Variants in MTBP observed in about 807,000 individuals in gnomAD.
MTBP encodes the protein MDM2 binding protein.
A neutral mutation model predicts 117.0 loss-of-function variants in MTBP; 101 were observed. The ratio of observed to expected loss-of-function variants is 0.86; its 90% CI spans 0.73 to 1.02. The LOEUF (loss-of-function observed/expected upper bound fraction) is 1.02, where lower values mean the gene tolerates loss of function less well. MTBP is among the 50% of genes least tolerant of loss of function. The pLI is 0.00. For missense variants in MTBP, 970 were observed against 1,030.9 expected, an observed-to-expected ratio of 0.94 and a Z score of 0.81; for synonymous variants, 350 against 351.5, an observed-to-expected ratio of 1.00 and a Z score of 0.05.
chr8:120,499,707 ACT>A (rs1814541359), intron 14 of MTBP, among the ~76,000 whole-genome samples: 4 of 152,236 alleles, frequency 2.6e-5, no homozygotes, highest in Admixed American at 2.6e-4. Context: ...TTTGGTAAAA[ACT>A]CTAGCATGTA....
rs192287989 is a variant in MTBP at position 120,503,312 on chromosome 8, C to T, written c.1727+703C>T. Reference sequence around the variant, plus strand: ...GAGGAATAACAAGCTGTGCACTGCCCCTCTCATCTAGAGCTTAGCTTTTAA... The same window carrying T: ...GAGGAATAACAAGCTGTGCACTGCCTCTCTCATCTAGAGCTTAGCTTTTAA... On this transcript the variant is annotated intron_variant, in intron 15 of 21. Transcript: ENST00000305949. 1.8e-3 allele frequency among the ~76,000 whole-genome samples: 267 copies of T among 152,198 alleles called. 1 individual carries two copies. The highest frequency in any genetic ancestry group is 6.2e-3 in the African/African-American group (256 of 41,532).
chr8:120,490,160 C>G (rs916899949), intron 12 of MTBP, among the ~76,000 whole-genome samples: 5 of 152,136 alleles, frequency 3.3e-5, no homozygotes, highest in East Asian at 1.9e-4. Context: ...AGCTACCATT[C>G]CCTATCTGTG....
intron 14 of MTBP, among the ~76,000 whole-genome samples, chr8:120,500,533 G>T (rs779450927): frequency 6.6e-6 from 1 of 152,072 alleles, no homozygotes; most frequent in Non-Finnish European, 1.5e-5. Context: ...GTGGAAAGCC[G>T]CATGAACATT....
chr8:120,456,723 C>A, intron 7 of MTBP, 53 bp downstream of exon 7: 1 of 865,198 alleles, frequency 1.2e-6, no homozygotes, highest in Non-Finnish European at 1.9e-6. Context: ...TTATTTACAA[C>A]ACAGATATTT....
At chr8:120,495,185 A>C (rs913559267) in intron 13 of MTBP, among the ~76,000 whole-genome samples, 1 of 152,118 alleles carries the variant, frequency 6.6e-6, no homozygotes, top group African/African-American at 2.4e-5. Flanking sequence ...CATGTCTGAA[A>C]ATTTATTTAC....
chr8:120,513,381 G>A (rs1372216335), intron 17 of MTBP, among the ~76,000 whole-genome samples: 1 of 151,934 alleles, frequency 6.6e-6, no homozygotes, highest in African/African-American at 2.4e-5. Context: ...TTATTGTTTT[G>A]TAAGAAAATA....
rs201156792 is a variant in MTBP, at chr8:120,466,899, G to A, written c.1047+3138G>A. 3.9e-5 allele frequency among the ~76,000 whole-genome samples: 6 copies of A among 152,042 alleles called. No homozygotes were observed. The East Asian group carries it at 1.2e-3, about 30-fold the overall frequency. ...AAAAAATAAATAAATAAATACCTTGGGTTTCATTTATTAAACAATTAATTT... is the reference window on the plus strand; with the variant it reads ...AAAAAATAAATAAATAAATACCTTGAGTTTCATTTATTAAACAATTAATTT... On this transcript the variant is annotated intron_variant, in intron 10 of 21. Transcript: ENST00000305949.
intron 11 of MTBP, among the ~76,000 whole-genome samples, chr8:120,484,856 C>T (rs1814176410): frequency 6.6e-6 from 1 of 152,110 alleles, no homozygotes; most frequent in Admixed American, 6.6e-5. Flanking sequence ...CTATTTTGGT[C>T]TGTATAGATT....
chr8:120,462,835 A>G (rs1341839520), intron 9 of MTBP, among the ~76,000 whole-genome samples: 2 of 152,172 alleles, frequency 1.3e-5, no homozygotes. Flanking sequence ...CAACCAGAGC[A>G]GCACCTGTTC....
chr8:120,451,371 C>T (rs1026226436), intron 4 of MTBP, 49 bp downstream of exon 4: 15 of 1,403,834 alleles, frequency 1.1e-5, no homozygotes, highest in Non-Finnish European at 1.5e-5. Context: ...TAATATTAGA[C>T]AGTTATTTTA....
intron 10 of MTBP, among the ~76,000 whole-genome samples, chr8:120,468,877 C>T (rs1173496694): frequency 1.3e-5 from 2 of 151,978 alleles, no homozygotes; most frequent in African/African-American, 2.4e-5. Context: ...TCTTTTCGGT[C>T]CAACCACCAG....
chr8:120,459,636 G>A (rs1231835687), intron 8 of MTBP, among the ~76,000 whole-genome samples: 1 of 152,094 alleles, frequency 6.6e-6, no homozygotes, highest in African/African-American at 2.4e-5. Context: ...GACTCAGTTT[G>A]GAGAGAATAT....
chr8:120,482,769 G>A (rs1190688431), intron 11 of MTBP, among the ~76,000 whole-genome samples: 2 of 151,060 alleles, frequency 1.3e-5, no homozygotes, highest in Admixed American at 6.6e-5. Flanking sequence ...GCGTGATCTC[G>A]GCTCACTGCA....
At chr8:120,478,267 A>T (rs555238336) in intron 11 of MTBP, among the ~76,000 whole-genome samples, 2 of 152,184 alleles carry the variant, frequency 1.3e-5, no homozygotes, top group South Asian at 4.2e-4. Flanking sequence ...ATGGGGGGCT[A>T]GGGGAGGGAT....
chr8:120,523,167 T>G, intron 21 of MTBP, 131 bp from the exon 22 acceptor site: 1 of 650,268 alleles, frequency 1.5e-6, no homozygotes, highest in Non-Finnish European at 2.7e-6. Context: ...TGTATTTAAG[T>G]ATAAGATTTC....
chr8:120,469,272 C>G (rs1035566368), intron 10 of MTBP, among the ~76,000 whole-genome samples: 2 of 152,100 alleles, frequency 1.3e-5, no homozygotes, highest in Admixed American at 1.3e-4. Flanking sequence ...TCTCGAACTC[C>G]TGACCTCAGG....
At chr8:120,453,423 C>A (rs913596221) in intron 4 of MTBP, among the ~76,000 whole-genome samples, 70 of 151,808 alleles carry the variant, frequency 4.6e-4, no homozygotes, top group African/African-American at 1.6e-3. Context: ...CTCCAGCCTG[C>A]GTGACAGAGT....
intron 11 of MTBP, among the ~76,000 whole-genome samples, chr8:120,476,371 C>T (rs1586951118): frequency 6.6e-6 from 1 of 152,080 alleles, no homozygotes; most frequent in East Asian, 1.9e-4. Context: ...TCTCTCACCA[C>T]TCCTATTCAA....
intron 11 of MTBP, among the ~76,000 whole-genome samples, chr8:120,475,390 C>T (rs372386401): frequency 2.6e-5 from 4 of 151,948 alleles, no homozygotes; most frequent in African/African-American, 4.8e-5. Flanking sequence ...AATAACTGTT[C>T]TCCAGACAGA....
Sources: allele counts gnomAD v4.1 joint callset (sites outside exome capture counted in the v4.1 genomes callset), GRCh38; gene constraint gnomAD v4.1.1; transcripts MANE v1.5; gene names NCBI Gene and HGNC (gene_info 2026-07-23, HGNC 2026-07-21).